ANKFN1: variants seen among roughly 807,000 people sequenced by gnomAD.
ANKFN1 encodes ankyrin repeat and fibronectin type III domain containing 1.
A neutral mutation model predicts 108.7 loss-of-function variants in ANKFN1; 74 were observed. The observed-to-expected ratio is 0.68, with a 90% CI of 0.56 to 0.83. The LOEUF is 0.83. Ranked by LOEUF, ANKFN1 falls within the 40% of genes least tolerant of loss-of-function variation. The probability of loss-of-function intolerance (pLI) is 0.00; values close to 1 mark genes in which losing one functional copy is unlikely to be tolerated. For missense variants in ANKFN1, 1,505 were observed against 1,382.3 expected (o/e 1.09, Z -1.41); for synonymous variants, 547 against 516.2 (o/e 1.06, Z -0.81).
At chr17:56,059,991 A>G (rs1904944786) in intron 4 of ANKFN1, among the ~76,000 whole-genome samples, 1 of 152,196 alleles carries the variant, frequency 6.6e-6, no homozygotes, top group African/African-American at 2.4e-5. Flanking sequence ...TTTGATAGGA[A>G]TAGCATTGAA....
At chr17:56,326,162 G>A in intron 3 of ANKFN1, 59 bp from the exon 4 acceptor site, 1 of 1,540,792 alleles carries the variant, frequency 6.5e-7, no homozygotes, top group Non-Finnish European at 8.7e-7. Context: ...GTATCTTCAT[G>A]ATCATGGACT....
intron 4 of ANKFN1, among the ~76,000 whole-genome samples, chr17:56,085,276 A>T (rs940728984): frequency 2.7e-5 from 4 of 150,102 alleles, no homozygotes; most frequent in African/African-American, 9.8e-5. Context: ...TGCAGATATA[A>T]CTAAGAGATG....
chr17:56,258,002 C>T (rs750675831), intron 3 of ANKFN1: 1 of 152,236 alleles, frequency 6.6e-6, no homozygotes, highest in South Asian at 2.1e-4. Flanking sequence ...GACACTAACA[C>T]CAGCTTCTTC....
chr17:56,335,832 G>A (rs947398942), intron 4 of ANKFN1, among the ~76,000 whole-genome samples: 1 of 152,168 alleles, frequency 6.6e-6, no homozygotes, highest in Non-Finnish European at 1.5e-5. Context: ...TGCCCATTCA[G>A]TATGATATTG....
intron 11 of ANKFN1, among the ~76,000 whole-genome samples, chr17:56,453,958 T>C (rs1351326500): frequency 6.6e-6 from 1 of 152,160 alleles, no homozygotes; most frequent in Non-Finnish European, 1.5e-5. Context: ...AATTTCACAG[T>C]GATGTACTAA....
chr17:56,157,531 C>T (rs1218754677), intron 1 of ANKFN1, among the ~76,000 whole-genome samples: 1 of 152,206 alleles, frequency 6.6e-6, no homozygotes, highest in Non-Finnish European at 1.5e-5. Context: ...GTGACTCCTC[C>T]TTCCTCTCTC....
At chr17:56,059,011 C>CT (rs1245250273) in intron 4 of ANKFN1, among the ~76,000 whole-genome samples, 1 of 152,216 alleles carries the variant, frequency 6.6e-6, no homozygotes, top group Non-Finnish European at 1.5e-5. Context: ...AGTCACCATA[C>CT]TATCTTCCAC....
rs2049772728 is a variant in ANKFN1 at position 56,457,997 on chromosome 17, A to C, written c.1557+18A>C. On this transcript the variant is annotated intron_variant, in intron 14 of 20. Transcript: ENST00000682825. The stretch of plus-strand genomic sequence containing the variant: ...AGCTACAGGTAAGGGACCAGGTTTC[A>C]ACCCAGGCCCCCAAGGAAAATATTT... The C allele has an allele frequency of 6.3e-7, 1 of 1,599,142 alleles. No homozygotes were observed. Among genetic ancestry groups the C allele is most frequent in the African/African-American group, 1.3e-5 (1 of 74,648 alleles).
chr17:56,274,198 A>C (rs2043859029), intron 3 of ANKFN1, among the ~76,000 whole-genome samples: 1 of 152,222 alleles, frequency 6.6e-6, no homozygotes, highest in African/African-American at 2.4e-5. Flanking sequence ...ATGGATGCTG[A>C]GCAGCAAAAG....
chr17:56,209,676 T>A (rs1488934105), intron 1 of ANKFN1, among the ~76,000 whole-genome samples: 1 of 152,214 alleles, frequency 6.6e-6, no homozygotes, highest in African/African-American at 2.4e-5. Flanking sequence ...TGACTTTTTT[T>A]ATTATTTCAA....
At chr17:56,181,614 CT>C (rs1911684135) in intron 1 of ANKFN1, among the ~76,000 whole-genome samples, 1 of 152,214 alleles carries the variant, frequency 6.6e-6, no homozygotes. Context: ...TCAAGTGCAA[CT>C]TCCAGTGATC....
intron 8 of ANKFN1, among the ~76,000 whole-genome samples, chr17:56,434,924 G>T (rs1313829652): frequency 6.6e-6 from 1 of 152,122 alleles, no homozygotes; most frequent in South Asian, 2.1e-4. Context: ...TAGCTAAGGC[G>T]CCAGGGTGAA....
At chr17:56,295,194 C>T (rs2044473362) in intron 3 of ANKFN1, among the ~76,000 whole-genome samples, 1 of 152,206 alleles carries the variant, frequency 6.6e-6, no homozygotes, top group African/African-American at 2.4e-5. Context: ...ATATGAAAGA[C>T]TCGGTTTGAA....
chr17:56,228,153 A>G, intron 3 of ANKFN1, 196 bp downstream of exon 3: 1 of 514,668 alleles, frequency 1.9e-6, no homozygotes, highest in Non-Finnish European at 3.4e-6. Flanking sequence ...AAGCAGATTG[A>G]ACTTAATTGT....
At chr17:56,083,695 G>A (rs763497183) in intron 4 of ANKFN1, among the ~76,000 whole-genome samples, 3 of 151,156 alleles carry the variant, frequency 2.0e-5, no homozygotes, top group Non-Finnish European at 3.0e-5. Flanking sequence ...AGCAGAAACC[G>A]GCATCCAACA....
chr17:56,389,218 T>C (rs2047361711), intron 8 of ANKFN1, among the ~76,000 whole-genome samples: 1 of 152,178 alleles, frequency 6.6e-6, no homozygotes, highest in Non-Finnish European at 1.5e-5. Context: ...GGAATACTAC[T>C]CAGCAACTAA....
chr17:56,094,022 G>C (rs1051681281), intron 4 of ANKFN1, among the ~76,000 whole-genome samples: 4 of 151,380 alleles, frequency 2.6e-5, no homozygotes, highest in African/African-American at 7.3e-5. Flanking sequence ...GACAGGTACA[G>C]AGGAAGAATC....
intron 15 of ANKFN1, among the ~76,000 whole-genome samples, chr17:56,469,750 G>A (rs950846579): frequency 2.6e-5 from 4 of 151,158 alleles, no homozygotes; most frequent in South Asian, 2.1e-4. Context: ...ATAAATATTA[G>A]TGATTTTTAT....
chr17:56,117,315 A>G lies in ANKFN1; in HGVS notation c.288+70990A>G, dbSNP rs373192167. On this transcript the variant is annotated intron_variant, in intron 4 of 12. Coordinates refer to the ANKFN1 transcript ENST00000635860. ...TGACTTTTGCTCAGTAACATCACAA[A>G]GGACACCTGATTTTAGTTGCATCAT... Among the ~76,000 whole-genome samples, 4 of 152,286 alleles carry G rather than the reference A, an allele frequency of 2.6e-5. No individual in the cohort carries two copies. In the East Asian group the frequency reaches 7.7e-4, roughly 29 times the overall value.
Sources: allele counts gnomAD v4.1 joint callset (sites outside exome capture counted in the v4.1 genomes callset), GRCh38; gene constraint gnomAD v4.1.1; transcripts MANE v1.5; gene names NCBI Gene and HGNC (gene_info 2026-07-23, HGNC 2026-07-21).